Variants in PIK3CB observed in about 807,000 individuals in gnomAD.
PIK3CB encodes phosphatidylinositol 4,5-bisphosphate 3-kinase catalytic subunit beta isoform.
In PIK3CB, 39 loss-of-function variants were observed where a neutral mutation model predicts 136.8. The ratio of observed to expected loss-of-function variants is 0.29; its 90% CI spans 0.22 to 0.37. The LOEUF (loss-of-function observed/expected upper bound fraction) is 0.37, where lower values mean the gene tolerates loss of function less well. Among genes scored for constraint, PIK3CB ranks in the 10% least tolerant of loss-of-function variants. PIK3CB has a pLI of 1.00. For synonymous variants in PIK3CB, 428 were observed against 436.6 expected, an observed-to-expected ratio of 0.98 and a Z score of 0.25; for missense variants, 868 against 1,275.4, an observed-to-expected ratio of 0.68 and a Z score of 4.87.
intron 21 of PIK3CB, among the ~76,000 whole-genome samples, chr3:138,659,936 C>A (rs1207379195): frequency 8.2e-6 from 1 of 121,382 alleles, no homozygotes; most frequent in African/African-American, 3.2e-5. Flanking sequence ...AGTGCAGTGG[C>A]GTGATTTCAG....
chr3:138,666,155 T>C (rs2043405500), intron 19 of PIK3CB, among the ~76,000 whole-genome samples: 1 of 151,912 alleles, frequency 6.6e-6, no homozygotes, highest in Admixed American at 6.6e-5. Flanking sequence ...GTAAAGATAA[T>C]TATTCTCAGA....
At chr3:138,813,128 A>AC in intron 1 of PIK3CB, among the ~76,000 whole-genome samples, 1 of 152,090 alleles carries the variant, frequency 6.6e-6, no homozygotes, top group Non-Finnish European at 1.5e-5. Context: ...AAGAAAAAAA[A>AC]ATTTTTTTAA....
intron 1 of PIK3CB, among the ~76,000 whole-genome samples, chr3:138,811,615 G>A (rs1433213785): frequency 2.6e-5 from 4 of 151,928 alleles, no homozygotes; most frequent in Non-Finnish European, 4.4e-5. Context: ...TAGTAGAGAC[G>A]GGGTCTCACC....
chr3:138,738,334 G>A (rs1342958899), intron 5 of PIK3CB, among the ~76,000 whole-genome samples: 1 of 152,048 alleles, frequency 6.6e-6, no homozygotes, highest in East Asian at 1.9e-4. Flanking sequence ...ACCACGCCTG[G>A]CTAATTTTTT....
chr3:138,758,121 C>T (rs1474573536), intron 3 of PIK3CB, among the ~76,000 whole-genome samples: 1 of 152,130 alleles, frequency 6.6e-6, no homozygotes, highest in African/African-American at 2.4e-5. Flanking sequence ...CATGGATGAA[C>T]TTTAAAAACA....
Position 138,742,798 on chromosome 3 carries a change from AAGG to A in PIK3CB, c.398-20_398-18del, listed in dbSNP as rs1248469593. ...CATGCAGACCTAAACACATTTTTTA[AAGG>A]TGTCATTTTCAGTAACTAACAATAA... is the stretch of plus-strand genomic sequence containing the variant. On this transcript the variant is annotated intron_variant, in intron 4 of 23. Transcript: ENST00000674063. The A allele has an allele frequency of 7.1e-7, 1 of 1,408,178 alleles. No individual in the cohort carries two copies. Among genetic ancestry groups the A allele is most frequent in the Non-Finnish European group, 9.9e-7 (1 of 1,011,152 alleles). The allele number at this position is 1,408,178 out of a possible 1,614,324, so 87.2% of individuals were successfully genotyped here.
chr3:138,832,072 A>T (rs1280695415), intron 1 of PIK3CB, among the ~76,000 whole-genome samples: 1 of 152,226 alleles, frequency 6.6e-6, no homozygotes, highest in Non-Finnish European at 1.5e-5. Context: ...TGTTGAGTTC[A>T]ACAGTCTAAG....
chr3:138,793,954 GTTTGTTTTTTGT>G (rs906232080), intron 2 of PIK3CB, among the ~76,000 whole-genome samples: 40 of 152,182 alleles, frequency 2.6e-4, no homozygotes, highest in Non-Finnish European at 4.4e-4. Context: ...AGTTCTTTTT[GTTTGTTTTTTGT>G]TTTGTTTTGT....
chr3:138,772,245 G>A (rs2045808513), intron 2 of PIK3CB, among the ~76,000 whole-genome samples: 1 of 152,000 alleles, frequency 6.6e-6, no homozygotes, highest in Non-Finnish European at 1.5e-5. Flanking sequence ...ATAACCTAAT[G>A]CGCGGCAATT....
In PIK3CB at chr3:138,707,151, T is replaced by G; in HGVS notation, c.1530+8A>C. 6.8e-7 allele frequency: 1 copy of G among 1,479,046 alleles called. No individual in the cohort carries two copies. 91.6% of individuals were successfully genotyped at this position (1,479,046 alleles called of 1,614,324 possible). On this transcript the variant is annotated splice_region_variant and intron_variant, in intron 11 of 23. Transcript: ENST00000674063. ...CATGCATAGAGGTCCTTTAAATAAT[T>G]AGCTTACCTTATCGAAGGGAGGGTA...
chr3:138,676,059 T>C (rs2043636029), intron 19 of PIK3CB, among the ~76,000 whole-genome samples: 1 of 152,114 alleles, frequency 6.6e-6, no homozygotes, highest in East Asian at 1.9e-4. Flanking sequence ...TATTTGCAAA[T>C]AATTTATCTA....
chr3:138,716,469 CCT>C (rs1179035854), intron 8 of PIK3CB, among the ~76,000 whole-genome samples: 2 of 152,158 alleles, frequency 1.3e-5, no homozygotes, highest in Admixed American at 1.3e-4. Context: ...TACTCAGTCA[CCT>C]CTGTCTCCTA....
At chr3:138,827,580 G>A (rs974208483) in intron 1 of PIK3CB, among the ~76,000 whole-genome samples, 6 of 151,798 alleles carry the variant, frequency 4.0e-5, no homozygotes, top group Admixed American at 6.6e-5. Context: ...TTAGGAGGCC[G>A]GTGCAGGAGG....
chr3:138,698,203 G>C (rs1395225212), intron 13 of PIK3CB, among the ~76,000 whole-genome samples: 1 of 152,118 alleles, frequency 6.6e-6, no homozygotes, highest in Non-Finnish European at 1.5e-5. Flanking sequence ...ACATACTAGA[G>C]AGATTCATTG....
At chr3:138,657,575 A>G in intron 22 of PIK3CB, 115 bp downstream of exon 22, 1 of 904,040 alleles carries the variant, frequency 1.1e-6, no homozygotes, top group Non-Finnish European at 1.7e-6. Flanking sequence ...AGCTTCCTAT[A>G]ATCAGACTGA....
At chr3:138,667,722 T>C (rs1285070161) in intron 19 of PIK3CB, among the ~76,000 whole-genome samples, 1 of 150,714 alleles carries the variant, frequency 6.6e-6, no homozygotes, top group Non-Finnish European at 1.5e-5. Context: ...CCACCATGTC[T>C]GGCTAATTTT....
At chr3:138,705,624 T>C (rs2044364096) in intron 11 of PIK3CB, among the ~76,000 whole-genome samples, 1 of 152,218 alleles carries the variant, frequency 6.6e-6, no homozygotes, top group Non-Finnish European at 1.5e-5. Flanking sequence ...TACATAAATT[T>C]AATTTGCTAA....
chr3:138,700,194 T>G (rs1448742900), intron 12 of PIK3CB, among the ~76,000 whole-genome samples: 1 of 151,528 alleles, frequency 6.6e-6, no homozygotes, highest in East Asian at 2.0e-4. Context: ...TGCACTCCAG[T>G]CTGGGCAACA....
In PIK3CB at chr3:138,820,657, C is replaced by T. The variant is rs148144432; in HGVS notation, c.-122+14038G>A. ...TACAAGTGCGCACCACCACACCTGGCTAATTTTTGTACTTTTATTAGAGAC... is the reference window on the plus strand; with the variant it reads ...TACAAGTGCGCACCACCACACCTGGTTAATTTTTGTACTTTTATTAGAGAC... On this transcript the variant is annotated intron_variant, in intron 1 of 23. Coordinates refer to ENST00000674063, the MANE Select transcript of PIK3CB (RefSeq NM_006219.3). Among the ~76,000 whole-genome samples, 13 of 152,218 alleles carry T rather than the reference C, an allele frequency of 8.5e-5. No homozygotes were observed. The East Asian group carries it at 2.5e-3, about 29-fold the overall frequency.
Sources: gnomAD v4.1 joint callset for allele counts (sites outside exome capture counted in the v4.1 genomes callset) on GRCh38, gnomAD v4.1.1 for gene constraint, MANE v1.5 for transcripts, NCBI Gene and HGNC (gene_info 2026-07-23, HGNC 2026-07-21) for gene names.